BEND6: variants seen among roughly 807,000 people sequenced by gnomAD.
BEND6 encodes BEN domain-containing protein 6.
BEND6 carries 24 observed loss-of-function variants against 31.8 expected under a neutral mutation model. The ratio of observed to expected loss-of-function variants is 0.75; its 90% CI spans 0.55 to 1.06. The LOEUF (loss-of-function observed/expected upper bound fraction) is 1.06, where lower values mean the gene tolerates loss of function less well. BEND6 is among the 50% of genes least tolerant of loss of function. BEND6 has a pLI of 0.00. For missense variants in BEND6, 294 were observed against 327.4 expected (o/e 0.90, Z 0.79); for synonymous variants, 109 against 114.6 (o/e 0.95, Z 0.31).
At chr6:56,971,395 C>A (rs1034074957) in intron 1 of BEND6, among the ~76,000 whole-genome samples, 3 of 152,178 alleles carry the variant, frequency 2.0e-5, no homozygotes, top group African/African-American at 7.2e-5. Context: ...TGGGTTGCTT[C>A]CTCCTTTTAG....
At chr6:57,001,277 C>T (rs990104996) in intron 3 of BEND6, among the ~76,000 whole-genome samples, 2 of 151,768 alleles carry the variant, frequency 1.3e-5, no homozygotes, top group East Asian at 3.9e-4. Context: ...GATCCTTCCA[C>T]CTCACTCTCC....
At chr6:56,963,903 A>T (rs938224119) in intron 1 of BEND6, among the ~76,000 whole-genome samples, 3 of 147,878 alleles carry the variant, frequency 2.0e-5, no homozygotes, top group Non-Finnish European at 4.5e-5. Context: ...TATAATTACA[A>T]TATTAATAAT....
intron 1 of BEND6, among the ~76,000 whole-genome samples, chr6:56,969,006 C>T (rs929486451): frequency 2.0e-5 from 3 of 151,254 alleles, no homozygotes; most frequent in South Asian, 2.1e-4. Context: ...ACCCAGGAGG[C>T]GGAGGTTGTG....
At chr6:56,998,132 G>A (rs74867508) in intron 3 of BEND6, among the ~76,000 whole-genome samples, 8,415 of 152,222 alleles carry the variant, frequency 0.055, 365 homozygotes, top group Non-Finnish European at 0.09. Context: ...CAATGTTAAC[G>A]GCATGTTTAT....
intron 1 of BEND6, chr6:56,975,637 C>A: frequency 2.6e-6 from 1 of 384,328 alleles, no homozygotes; most frequent in South Asian, 2.5e-5. Flanking sequence ...GTTTCATTCT[C>A]ATGAAAACTC....
chr6:56,993,299 T>A (rs1826579650), intron 3 of BEND6, among the ~76,000 whole-genome samples: 1 of 152,244 alleles, frequency 6.6e-6, no homozygotes, highest in South Asian at 2.1e-4. Flanking sequence ...AAGGATACTA[T>A]GTTGGCAGCA....
At chr6:57,007,246 C>T (rs996692173) in intron 3 of BEND6, among the ~76,000 whole-genome samples, 13 of 151,604 alleles carry the variant, frequency 8.6e-5, no homozygotes, top group African/African-American at 3.2e-4. Flanking sequence ...TGTGATCACA[C>T]CACTGCACTC....
At chr6:57,017,465 T>C in intron 5 of BEND6, 66 bp downstream of exon 5, 1 of 1,169,600 alleles carries the variant, frequency 8.5e-7, no homozygotes, top group Non-Finnish European at 1.1e-6. Context: ...AAGGTCAAGA[T>C]AGTCTTTCAT....
In BEND6 at chr6:57,015,199, G is replaced by C. The variant is rs1827497277; in HGVS notation, c.365G>C (p.Gly122Ala). 6.2e-7 allele frequency: 1 copy of C among 1,613,988 alleles called. No individual in the cohort carries two copies. The highest frequency in any genetic ancestry group is 1.3e-5 in the African/African-American group (1 of 74,894). ...VGMAEALLKG[G>A]GTMSTSASTL... ...ATGGCCGAGGCTCTGCTTAAGGGTG[G>C]GGGAACCATGTCTACATCTGCATCC... is the stretch of plus-strand genomic sequence containing the variant. The change falls in exon 4 of 7, where the codon GGG becomes GCG. Residue 122 changes from glycine to alanine, a missense_variant. Coordinates refer to ENST00000370746, the MANE Select transcript of BEND6 (RefSeq NM_152731.3).
At chr6:57,019,504 G>A (rs1204188818) in intron 6 of BEND6, among the ~76,000 whole-genome samples, 3 of 151,788 alleles carry the variant, frequency 2.0e-5, no homozygotes, top group Non-Finnish European at 4.4e-5. Context: ...AGCCACTTTC[G>A]AGACCATTTT....
At chr6:56,998,272 A>G (rs1428443412) in intron 3 of BEND6, among the ~76,000 whole-genome samples, 4 of 152,196 alleles carry the variant, frequency 2.6e-5, no homozygotes, top group Non-Finnish European at 5.9e-5. Flanking sequence ...TGTTTGCAAT[A>G]ATGTTCCTAA....
intron 6 of BEND6, among the ~76,000 whole-genome samples, chr6:57,020,833 G>GTTTTTTTTTTTTTTTTT (rs74271470): frequency 2.2e-5 from 3 of 137,834 alleles, no homozygotes; most frequent in African/African-American, 2.8e-5. Flanking sequence ...CTAAACTCTT[G>GTTTTTTTTTTTTTTTTT]TTTTTTTTTT....
At chr6:57,001,628 A>G (rs978139683) in intron 3 of BEND6, among the ~76,000 whole-genome samples, 4 of 152,246 alleles carry the variant, frequency 2.6e-5, no homozygotes, top group African/African-American at 7.2e-5. Context: ...AGAGGTACAT[A>G]TCCTGAGAAA....
intron 2 of BEND6, among the ~76,000 whole-genome samples, chr6:56,986,209 T>C (rs1826266525): frequency 1.3e-5 from 2 of 152,184 alleles, no homozygotes; most frequent in South Asian, 2.1e-4. Context: ...GTATTACATA[T>C]GTATATATAT....
intron 3 of BEND6, chr6:57,004,539 C>T: frequency 7.7e-6 from 6 of 780,750 alleles, no homozygotes; most frequent in Admixed American, 1.8e-5. Context: ...GCCATGACTA[C>T]CACATGCCCC....
chr6:56,981,947 C>G lies in BEND6; in HGVS notation c.120+17C>G. On this transcript the variant is annotated intron_variant, in intron 2 of 6. Transcript: ENST00000370746. ...AAAGGACAGGTTGGTTTTTTGTTACCTTGACTCAACTTTGTTATCTAGCTC... is the reference window on the plus strand; with the variant it reads ...AAAGGACAGGTTGGTTTTTTGTTACGTTGACTCAACTTTGTTATCTAGCTC... 1 of 1,596,512 alleles carries G rather than the reference C, an allele frequency of 6.3e-7. No individual in the cohort carries two copies. The highest frequency in any genetic ancestry group is 2.3e-5 in the East Asian group (1 of 44,064).
At chr6:56,985,594 T>C (rs1248302221) in intron 2 of BEND6, among the ~76,000 whole-genome samples, 1 of 152,174 alleles carries the variant, frequency 6.6e-6, no homozygotes, top group Non-Finnish European at 1.5e-5. Context: ...GCTCATATCC[T>C]ATTGGAGGGA....
At chr6:57,018,745 C>T (rs1334007445) in intron 6 of BEND6, among the ~76,000 whole-genome samples, 188 bp downstream of exon 6, 1 of 152,126 alleles carries the variant, frequency 6.6e-6, no homozygotes, top group African/African-American at 2.4e-5. Flanking sequence ...ATGCTGGGTT[C>T]AGTTTTTCTT....
chr6:57,023,039 T>C (rs564611280), intron 6 of BEND6, among the ~76,000 whole-genome samples: 1 of 152,338 alleles, frequency 6.6e-6, no homozygotes, highest in Non-Finnish European at 1.5e-5. Flanking sequence ...TTTTGTGGCC[T>C]AGATATAGCC....
Sources: gnomAD v4.1 joint callset for allele counts (sites outside exome capture counted in the v4.1 genomes callset) on GRCh38, gnomAD v4.1.1 for gene constraint, MANE v1.5 for transcripts, NCBI Gene and HGNC (gene_info 2026-07-23, HGNC 2026-07-21) for gene names.